ATP10D: variants seen among roughly 807,000 people sequenced by gnomAD.
ATP10D encodes phospholipid-transporting ATPase VD.
Under a neutral mutation model 144.8 loss-of-function variants are expected in ATP10D, and 89 were observed. That is an observed-to-expected ratio of 0.61 (90% confidence interval 0.52 to 0.73). The LOEUF is 0.73. ATP10D is among the 30% of genes least tolerant of loss of function. ATP10D has a pLI of 0.00. For synonymous variants in ATP10D, 571 were observed against 615.1 expected, an observed-to-expected ratio of 0.93 and a Z score of 1.06; for missense variants, 1,603 against 1,714.8, an observed-to-expected ratio of 0.93 and a Z score of 1.15.
At chr4:47,576,156 C>A (rs1238113486) in intron 18 of ATP10D, among the ~76,000 whole-genome samples, 2 of 151,730 alleles carry the variant, frequency 1.3e-5, no homozygotes, top group African/African-American at 4.8e-5. Context: ...TGGTCTCGAT[C>A]TCCTGACCTC....
At chr4:47,580,518 T>C in intron 20 of ATP10D, 40 bp downstream of exon 20, 1 of 1,541,064 alleles carries the variant, frequency 6.5e-7, no homozygotes, top group Non-Finnish European at 9.0e-7. Context: ...TATTAATGAA[T>C]CAATGATGCT....
At chr4:47,541,496 G>T (rs1287910889) in intron 9 of ATP10D, among the ~76,000 whole-genome samples, 1 of 152,186 alleles carries the variant, frequency 6.6e-6, no homozygotes, top group Non-Finnish European at 1.5e-5. Context: ...TAGAACAAAG[G>T]TTTATATATC....
At chr4:47,506,229 A>G (rs1716015702) in intron 1 of ATP10D, among the ~76,000 whole-genome samples, 1 of 152,206 alleles carries the variant, frequency 6.6e-6, no homozygotes, top group Non-Finnish European at 1.5e-5. Context: ...CAATGATTGG[A>G]CATGTTGAGA....
chr4:47,510,247 T>C (rs1716253497), intron 1 of ATP10D, among the ~76,000 whole-genome samples: 1 of 152,094 alleles, frequency 6.6e-6, no homozygotes, highest in South Asian at 2.1e-4. Flanking sequence ...TTCAGGAGAA[T>C]GACAGTGCTG....
chr4:47,549,833 G>A (rs1388512464), intron 10 of ATP10D, among the ~76,000 whole-genome samples: 1 of 152,342 alleles, frequency 6.6e-6, no homozygotes, highest in Admixed American at 6.5e-5. Flanking sequence ...ATTGGAAAAG[G>A]AAGGAAAGGC....
intron 14 of ATP10D, among the ~76,000 whole-genome samples, chr4:47,562,813 A>G (rs1261475169): frequency 6.6e-6 from 1 of 151,704 alleles, no homozygotes; most frequent in Non-Finnish European, 1.5e-5. Context: ...CCAACAAACG[A>G]TTAAAGAAAA....
rs986211198 is a variant in ATP10D at position 47,591,540 on chromosome 4, A to T, written c.*159A>T. 5 of 578,200 alleles carry T rather than the reference A, an allele frequency of 8.6e-6. No homozygotes were observed. The Admixed American group carries it at 1.0e-4, about 12-fold the overall frequency. The allele number at this position is 578,200 out of a possible 1,614,324, so 35.8% of individuals were successfully genotyped here. On this transcript the variant is annotated 3_prime_UTR_variant, in exon 23 of 23. Transcript: ENST00000273859. ...GATGAGCATTATTGTATGTTTGTAT[A>T]TACATTTGTGATAGAGGGCTAGAGT...
rs376733286 is a variant in ATP10D, at chr4:47,542,570, TG to T, written c.1397-4051del. On this transcript the variant is annotated intron_variant, in intron 9 of 22. Coordinates refer to ENST00000273859, the MANE Select transcript of ATP10D (RefSeq NM_020453.4). ...TTGGCTCACTGCAACCCCTGCCCCTTGGGTTTAAGCAGCTCTCCTGCCTCAG... is the reference window on the plus strand; with the variant it reads ...TTGGCTCACTGCAACCCCTGCCCCTTGGTTTAAGCAGCTCTCCTGCCTCAG... Among the ~76,000 whole-genome samples, 63 of 152,244 alleles carry T rather than the reference TG, an allele frequency of 4.1e-4. No individual in the cohort carries two copies. In the East Asian group the frequency reaches 0.011, roughly 27 times the overall value.
Position 47,554,904 on chromosome 4 carries a change from C to T in ATP10D, c.1814C>T (p.Pro605Leu), listed in dbSNP as rs1469634346. 1 of 1,613,304 alleles carries T rather than the reference C, an allele frequency of 6.2e-7. No individual in the cohort carries two copies. Among genetic ancestry groups the T allele is most frequent in the Non-Finnish European group, 8.5e-7 (1 of 1,179,658 alleles). The stretch of plus-strand genomic sequence containing the variant: ...GTAGTGGTTTCTGCTCCTAACCAAC[C>T]CCGACAAAAGGTGAGTAAGTTCTCT... ...NTVVVSAPNQ[P>L]RQKIRHPSLG... Residue 605 changes from proline (P) to leucine (L), a missense_variant, in exon 11 of 23, where the codon CCC (proline) becomes CTC (leucine). Physicochemically the swap from Pro to Leu is moderately conservative, Grantham distance 98. Transcript: ENST00000273859.
chr4:47,509,939 CA>C (rs1716221724), intron 1 of ATP10D, among the ~76,000 whole-genome samples: 1 of 112,434 alleles, frequency 8.9e-6, no homozygotes, highest in Admixed American at 1.1e-4. Context: ...ACTTTTGTTT[CA>C]GGGGTGTGTG....
intron 1 of ATP10D, among the ~76,000 whole-genome samples, chr4:47,488,612 C>CAAAAAAAAAA (rs56859197): frequency 2.2e-5 from 2 of 91,318 alleles, no homozygotes; most frequent in Non-Finnish European, 4.5e-5. Flanking sequence ...ATATAATAAG[C>CAAAAAAAAAA]AAAAAAAAAA....
At chr4:47,578,027 T>G (rs1197499256) in intron 19 of ATP10D, among the ~76,000 whole-genome samples, 2 of 152,224 alleles carry the variant, frequency 1.3e-5, no homozygotes, top group Non-Finnish European at 2.9e-5. Flanking sequence ...TTGTTATTTG[T>G]CCTTATCCTT....
At chr4:47,498,674 AC>A (rs1243192237) in intron 1 of ATP10D, among the ~76,000 whole-genome samples, 1 of 152,206 alleles carries the variant, frequency 6.6e-6, no homozygotes, top group African/African-American at 2.4e-5. Flanking sequence ...AGCAACAAGA[AC>A]CTGATTAATG....
At chr4:47,521,010 CA>C (rs1400825270) in intron 3 of ATP10D, among the ~76,000 whole-genome samples, 2 of 152,200 alleles carry the variant, frequency 1.3e-5, no homozygotes, top group African/African-American at 4.8e-5. Context: ...CTTTATTATA[CA>C]GGACTCCTCT....
chr4:47,515,584 T>C lies in ATP10D; in HGVS notation c.399T>C (p.Ile133=). The C allele has an allele frequency of 6.2e-7, 1 of 1,613,324 alleles. No individual in the cohort carries two copies. The highest frequency in any genetic ancestry group is 8.5e-7 in the Non-Finnish European group (1 of 1,179,292). The change falls in exon 3 of 23, where the codon ATT becomes ATC. Residue 133 remains isoleucine (I), a synonymous_variant. Coordinates refer to ENST00000273859, the MANE Select transcript of ATP10D (RefSeq NM_020453.4). ...TGCCTCTGGTGGTGGTCCTTACAATTATCGCAATTAAAGATGGCCTGGAAG... is the reference window on the plus strand; with the variant it reads ...TGCCTCTGGTGGTGGTCCTTACAATCATCGCAATTAAAGATGGCCTGGAAG... ...TMLPLVVVLT[I]IAIKDGLEDY... is the part of the protein sequence containing the mutation.
intron 10 of ATP10D, among the ~76,000 whole-genome samples, chr4:47,553,811 C>T (rs1718842329): frequency 6.6e-6 from 1 of 152,224 alleles, no homozygotes; most frequent in African/African-American, 2.4e-5. Context: ...CCATGTCATA[C>T]ATCCTTATAT....
At chr4:47,488,612 C>CAAAAAAAAAAAAAAA (rs56859197) in intron 1 of ATP10D, among the ~76,000 whole-genome samples, 250 of 91,202 alleles carry the variant, frequency 2.7e-3, no homozygotes, top group Non-Finnish European at 4.3e-3. Flanking sequence ...ATATAATAAG[C>CAAAAAAAAAAAAAAA]AAAAAAAAAA....
chr4:47,531,608 G>A (rs1717574080), intron 5 of ATP10D, among the ~76,000 whole-genome samples: 1 of 152,146 alleles, frequency 6.6e-6, no homozygotes, highest in Non-Finnish European at 1.5e-5. Context: ...ATTTTAGATG[G>A]TCTTCATGAA....
chr4:47,504,245 C>T (rs1421551267), intron 1 of ATP10D, among the ~76,000 whole-genome samples: 1 of 152,220 alleles, frequency 6.6e-6, no homozygotes, highest in East Asian at 1.9e-4. Context: ...TTCATACTTA[C>T]CTTCTTTTCC....
Sources: gnomAD v4.1 joint callset for allele counts (sites outside exome capture counted in the v4.1 genomes callset) on GRCh38, gnomAD v4.1.1 for gene constraint, MANE v1.5 for transcripts, NCBI Gene and HGNC (gene_info 2026-07-23, HGNC 2026-07-21) for gene names.